PSD3: variants seen among roughly 807,000 people sequenced by gnomAD.
PSD3 encodes the protein pleckstrin and Sec7 domain containing 3.
Under a neutral mutation model 105.5 loss-of-function variants are expected in PSD3, and 49 were observed. The ratio of observed to expected loss-of-function variants is 0.46; its 90% CI spans 0.37 to 0.59. The LOEUF is 0.59. Ranked by LOEUF, PSD3 falls within the 20% of genes least tolerant of loss-of-function variation. The pLI is 0.00. For missense variants in PSD3, 1,561 were observed against 1,263.8 expected, an observed-to-expected ratio of 1.24 and a Z score of -3.57; for synonymous variants, 557 against 457.8, an observed-to-expected ratio of 1.22 and a Z score of -2.77.
chr8:18,895,450 G>A (rs997209819), intron 2 of PSD3, among the ~76,000 whole-genome samples: 16 of 152,110 alleles, frequency 1.1e-4, no homozygotes, highest in African/African-American at 3.1e-4. Flanking sequence ...ATGCATTTAC[G>A]CATTTATATT....
intron 4 of PSD3, among the ~76,000 whole-genome samples, chr8:18,836,640 C>G (rs1339153612): frequency 6.6e-6 from 1 of 152,144 alleles, no homozygotes; most frequent in Non-Finnish European, 1.5e-5. Flanking sequence ...TATGGACGCT[C>G]CAGACCTTTA....
chr8:18,845,748 A>G (rs7844375), intron 4 of PSD3, among the ~76,000 whole-genome samples: 68,165 of 152,028 alleles, frequency 0.45, 15,799 homozygotes, highest in Admixed American at 0.52. Context: ...ACCAGCCAGA[A>G]CAACATAGCA....
chr8:19,029,409 C>T (rs1321135197), intron 1 of PSD3, among the ~76,000 whole-genome samples: 3 of 152,072 alleles, frequency 2.0e-5, no homozygotes, highest in South Asian at 2.1e-4. Context: ...AAGACATACC[C>T]GAGACTGGGT....
intron 10 of PSD3, among the ~76,000 whole-genome samples, chr8:18,633,418 C>A (rs1807037348): frequency 6.6e-6 from 1 of 152,024 alleles, no homozygotes; most frequent in Non-Finnish European, 1.5e-5. Flanking sequence ...TTCTCAACCG[C>A]CATAAAAATA....
intron 1 of PSD3, among the ~76,000 whole-genome samples, chr8:19,041,628 A>G (rs1828127308): frequency 6.6e-6 from 1 of 152,236 alleles, no homozygotes; most frequent in East Asian, 1.9e-4. Flanking sequence ...GGTTATCCAC[A>G]AAGACGGCTA....
At chr8:19,067,313 G>C (rs1829106440) in intron 1 of PSD3, among the ~76,000 whole-genome samples, 1 of 152,100 alleles carries the variant, frequency 6.6e-6, no homozygotes. Context: ...TTCCAGCTCA[G>C]GCTCACAGAA....
At chr8:18,599,518 T>C (rs1177932181) in intron 12 of PSD3, among the ~76,000 whole-genome samples, 3 of 152,272 alleles carry the variant, frequency 2.0e-5, no homozygotes, top group Non-Finnish European at 2.9e-5. Flanking sequence ...AAAGAATATG[T>C]GCTACAGTAG....
chr8:18,579,096 CCACACA>C (rs3988324), intron 12 of PSD3, among the ~76,000 whole-genome samples: 346 of 143,500 alleles, frequency 2.4e-3, no homozygotes, highest in East Asian at 3.1e-3. Context: ...AGCTCCAAGT[CCACACA>C]CACACACACA....
chr8:18,869,430 C>T (rs966847830), intron 3 of PSD3, among the ~76,000 whole-genome samples: 1 of 152,190 alleles, frequency 6.6e-6, no homozygotes, highest in Non-Finnish European at 1.5e-5. Context: ...CTGCCTGCCT[C>T]GGCCTCCCAA....
chr8:18,545,062 G>C (rs1585209482), intron 15 of PSD3, among the ~76,000 whole-genome samples: 1 of 152,198 alleles, frequency 6.6e-6, no homozygotes, highest in Admixed American at 6.5e-5. Context: ...GTTAAGAAGA[G>C]TATGCAATTC....
At chr8:18,768,333 G>A (rs950623557) in intron 8 of PSD3, among the ~76,000 whole-genome samples, 1 of 151,974 alleles carries the variant, frequency 6.6e-6, no homozygotes, top group Non-Finnish European at 1.5e-5. Flanking sequence ...GGCCAGGCAT[G>A]GTGGCTCATG....
At chr8:18,669,363 GGT>G (rs1241902924) in intron 9 of PSD3, among the ~76,000 whole-genome samples, 1 of 152,120 alleles carries the variant, frequency 6.6e-6, no homozygotes, top group Non-Finnish European at 1.5e-5. Context: ...ATGCTTATAA[GGT>G]TGAATTTGTA....
At chr8:18,865,276 ATATATATATATTTTTT>A (rs1816830226) in intron 4 of PSD3, 1 of 2,056 alleles carries the variant, frequency 4.9e-4, no homozygotes, top group African/African-American at 1.9e-3. Context: ...ATATATATAT[ATATATATATATTTTTT>A]TTTTTTTTTT....
intron 1 of PSD3, among the ~76,000 whole-genome samples, chr8:19,040,349 C>G (rs1828079758): frequency 6.6e-6 from 1 of 152,074 alleles, no homozygotes; most frequent in Non-Finnish European, 1.5e-5. Context: ...CTACCACAGG[C>G]ACGCGCCACC....
At chr8:18,761,677 C>T (rs148560864) in intron 9 of PSD3, among the ~76,000 whole-genome samples, 4 of 152,260 alleles carry the variant, frequency 2.6e-5, no homozygotes, top group African/African-American at 9.6e-5. Context: ...TTATTCACGT[C>T]GTTAGTACCT....
chr8:18,649,652 G>A (rs1025758883), intron 10 of PSD3, among the ~76,000 whole-genome samples: 9 of 152,170 alleles, frequency 5.9e-5, no homozygotes, highest in Non-Finnish European at 1.2e-4. Flanking sequence ...AGGCGCCAGG[G>A]ATGGAATGAT....
At chr8:18,620,145 T>TG (rs1805997847) in intron 11 of PSD3, among the ~76,000 whole-genome samples, 1 of 152,184 alleles carries the variant, frequency 6.6e-6, no homozygotes, top group Non-Finnish European at 1.5e-5. Flanking sequence ...TCTCAACCAA[T>TG]AACTCAACCA....
chr8:18,822,879 C>A (rs1460042177), intron 4 of PSD3, among the ~76,000 whole-genome samples: 1 of 152,106 alleles, frequency 6.6e-6, no homozygotes, highest in Admixed American at 6.5e-5. Context: ...AAGTTTACAG[C>A]ACAAGAATAT....
In PSD3 at chr8:18,872,715, G is replaced by C; in HGVS notation, c.149C>G (p.Thr50Ser). 1 of 1,566,052 alleles carries C rather than the reference G, an allele frequency of 6.4e-7. No homozygotes were observed. Among genetic ancestry groups the C allele is most frequent in the Non-Finnish European group, 8.6e-7 (1 of 1,159,046 alleles). The change falls in exon 3 of 16, where the codon ACT (threonine) becomes AGT (serine). Residue 50 changes from threonine (T) to serine (S), a missense_variant. Transcript: ENST00000327040. ...ATTTGTGACATTTGGTGGGAGTAAA[G>C]TGCTTCCTCCATGATCACCTGTGAA... is the stretch of plus-strand genomic sequence containing the variant. ...APDTSDHGGS[T>S]LLPPNVTNEF...
Sources: gnomAD v4.1 joint callset for allele counts (sites outside exome capture counted in the v4.1 genomes callset) on GRCh38, gnomAD v4.1.1 for gene constraint, MANE v1.5 for transcripts, NCBI Gene and HGNC (gene_info 2026-07-23, HGNC 2026-07-21) for gene names.